The following KCTD16 variants were observed in gnomAD, a reference collection of about 807,000 sequenced individuals.
KCTD16 encodes the protein potassium channel tetramerization domain containing 16.
In KCTD16, 13 loss-of-function variants were observed where a neutral mutation model predicts 33.2. The ratio of observed to expected loss-of-function variants is 0.39; its 90% CI spans 0.25 to 0.62. The LOEUF (loss-of-function observed/expected upper bound fraction) is 0.62. KCTD16 is among the 20% of genes least tolerant of loss of function. The pLI is 0.50. For synonymous variants in KCTD16, 197 were observed against 195.3 expected, an observed-to-expected ratio of 1.01 and a Z score of -0.07; for missense variants, 441 against 525.1, an observed-to-expected ratio of 0.84 and a Z score of 1.57.
chr5:144,444,598 G>C (rs1340076272), intron 3 of KCTD16, among the ~76,000 whole-genome samples: 1 of 151,838 alleles, frequency 6.6e-6, no homozygotes, highest in Admixed American at 6.6e-5. Flanking sequence ...ATACATGTGA[G>C]TTTTGCTAGA....
intron 3 of KCTD16, among the ~76,000 whole-genome samples, chr5:144,349,831 A>G (rs773273622): frequency 4.6e-5 from 7 of 152,140 alleles, no homozygotes; most frequent in Non-Finnish European, 8.8e-5. Flanking sequence ...CTCTGTGACC[A>G]TGGAATCCTA....
intron 3 of KCTD16, among the ~76,000 whole-genome samples, chr5:144,331,018 A>G: frequency 6.6e-6 from 1 of 152,238 alleles, no homozygotes. Flanking sequence ...GATGGAACTG[A>G]ACTTGGTTCT....
chr5:144,360,799 C>A (rs1751693817), intron 3 of KCTD16, among the ~76,000 whole-genome samples: 1 of 152,012 alleles, frequency 6.6e-6, no homozygotes, highest in Non-Finnish European at 1.5e-5. Context: ...TATTCAGTAT[C>A]ATTGATGGGC....
intron 3 of KCTD16, among the ~76,000 whole-genome samples, chr5:144,234,716 G>A (rs1317349661): frequency 2.6e-5 from 4 of 151,882 alleles, no homozygotes; most frequent in African/African-American, 9.7e-5. Flanking sequence ...GGCATCTATG[G>A]GAAAACACTT....
intron 3 of KCTD16, 112 bp from the exon 4 acceptor site, chr5:144,473,548 T>C (rs1754525323): frequency 9.0e-7 from 1 of 1,114,406 alleles, no homozygotes; most frequent in African/African-American, 1.6e-5. Context: ...TCTAAAAGCA[T>C]GGTTCTGCGA....
chr5:144,402,593 A>T (rs1303977407), intron 3 of KCTD16, among the ~76,000 whole-genome samples: 1 of 152,180 alleles, frequency 6.6e-6, no homozygotes, highest in Non-Finnish European at 1.5e-5. Flanking sequence ...GAATAATAAG[A>T]GTACCTACTT....
intron 3 of KCTD16, among the ~76,000 whole-genome samples, chr5:144,398,236 T>C (rs934071267): frequency 1.3e-5 from 2 of 152,228 alleles, no homozygotes; most frequent in African/African-American, 4.8e-5. Context: ...TTCTAACTTA[T>C]AGTTTTCAAA....
At position 144,483,225 on chromosome 5, in the gene KCTD16, AGG is replaced by A. The variant is rs1316901673; in HGVS notation, c.*9112_*9113del. 10 of 151,652 alleles carry A rather than the reference AGG, an allele frequency of 6.6e-5. No homozygotes were observed. The highest frequency in any genetic ancestry group is 4.4e-5 in the Non-Finnish European group (3 of 67,874). 9.4% of individuals were successfully genotyped at this position (151,652 alleles called of 1,614,324 possible). A position where few individuals can be genotyped will look rare whatever the true frequency, so the allele number is the denominator to read the frequency against. On this transcript the variant is annotated 3_prime_UTR_variant, in exon 4 of 4. Coordinates refer to ENST00000512467, the MANE Select transcript of KCTD16 (RefSeq NM_020768.4). Reference sequence around the variant, plus strand: ...TGTTTAAGAAGAAAAAGAAAAATGTAGGTGTATGATAGCACAAATTCAATGGT... The same window carrying A: ...TGTTTAAGAAGAAAAAGAAAAATGTATGTATGATAGCACAAATTCAATGGT...
At chr5:144,178,402 C>T (rs1448223300) in intron 2 of KCTD16, among the ~76,000 whole-genome samples, 1 of 152,064 alleles carries the variant, frequency 6.6e-6, no homozygotes, top group East Asian at 1.9e-4. Flanking sequence ...AATTATAATA[C>T]TTAACTCTTT....
At chr5:144,402,416 G>C (rs899319819) in intron 3 of KCTD16, among the ~76,000 whole-genome samples, 1 of 152,152 alleles carries the variant, frequency 6.6e-6, no homozygotes, top group Non-Finnish European at 1.5e-5. Flanking sequence ...TTTCTGTCCT[G>C]TGTCGAGTGA....
chr5:144,195,976 G>GT lies in KCTD16; in HGVS notation c.-326-10409dup, dbSNP rs572389413. Among the ~76,000 whole-genome samples, 89 of 152,250 alleles carry GT rather than the reference G, an allele frequency of 5.8e-4. 1 individual carries two copies. Among genetic ancestry groups the GT allele is most frequent in the Admixed American group, 4.4e-3 (67 of 15,302 alleles). ...GTTGTCTCCAAGTCAGACACAGAGT[G>GT]TTTTCCCCTATTGGATTATAAGCTT... On this transcript the variant is annotated intron_variant, in intron 2 of 3. Coordinates refer to ENST00000512467, the MANE Select transcript of KCTD16 (RefSeq NM_020768.4).
chr5:144,183,377 C>T (rs1191196142), intron 2 of KCTD16, among the ~76,000 whole-genome samples: 1 of 152,146 alleles, frequency 6.6e-6, no homozygotes, highest in Non-Finnish European at 1.5e-5. Flanking sequence ...TGATGCACAA[C>T]ATTTGCTGTT....
At chr5:144,219,516 T>G (rs1372313349) in intron 3 of KCTD16, among the ~76,000 whole-genome samples, 14 of 133,662 alleles carry the variant, frequency 1.0e-4, no homozygotes, top group Non-Finnish European at 2.0e-4. Context: ...GCTGGGCCTT[T>G]TTTTTTTTTT....
intron 3 of KCTD16, among the ~76,000 whole-genome samples, chr5:144,281,674 G>C (rs936199706): frequency 6.6e-6 from 1 of 152,062 alleles, no homozygotes; most frequent in African/African-American, 2.4e-5. Flanking sequence ...ATTGTTGAGG[G>C]GAGTTCCTAA....
At chr5:144,461,079 G>T (rs572949794) in intron 3 of KCTD16, among the ~76,000 whole-genome samples, 91 of 152,260 alleles carry the variant, frequency 6.0e-4, no homozygotes, top group Non-Finnish European at 9.9e-4. Flanking sequence ...ATTAGCACAA[G>T]AATAGAATTA....
chr5:144,368,668 G>C (rs1168361996), intron 3 of KCTD16, among the ~76,000 whole-genome samples: 1 of 152,178 alleles, frequency 6.6e-6, no homozygotes. Flanking sequence ...TGGACCTGGA[G>C]TTCTGACCCA....
At chr5:144,313,392 T>C (rs1379525527) in intron 3 of KCTD16, among the ~76,000 whole-genome samples, 2 of 152,152 alleles carry the variant, frequency 1.3e-5, no homozygotes, top group African/African-American at 4.8e-5. Context: ...GATGAGCACT[T>C]TCACTGTGAC....
chr5:144,387,138 A>ATTTTTTTTTTTTTTTT (rs377558036), intron 3 of KCTD16, among the ~76,000 whole-genome samples: 1 of 116,162 alleles, frequency 8.6e-6, no homozygotes, highest in Non-Finnish European at 1.7e-5. Context: ...GGCTAATTTA[A>ATTTTTTTTTTTTTTTT]TTTTTTTTTT....
At chr5:144,322,296 T>A (rs560316284) in intron 3 of KCTD16, among the ~76,000 whole-genome samples, 1 of 152,158 alleles carries the variant, frequency 6.6e-6, no homozygotes, top group Non-Finnish European at 1.5e-5. Flanking sequence ...CTGTCCATAG[T>A]TGTGCAGTCA....
Sources: allele counts gnomAD v4.1 joint callset (sites outside exome capture counted in the v4.1 genomes callset), GRCh38; gene constraint gnomAD v4.1.1; transcripts MANE v1.5; gene names NCBI Gene and HGNC (gene_info 2026-07-23, HGNC 2026-07-21).